Variants in NBEA observed in about 807,000 individuals in gnomAD.
NBEA encodes lysosomal-trafficking regulator 2.
Under a neutral mutation model 343.4 loss-of-function variants are expected in NBEA, and 44 were observed. The observed-to-expected ratio is 0.13, with a 90% CI of 0.10 to 0.16. The LOEUF is 0.16. Ranked by LOEUF, NBEA falls within the 10% of genes least tolerant of loss-of-function variation. The probability of loss-of-function intolerance (pLI) is 1.00; values close to 1 mark genes in which losing one functional copy is unlikely to be tolerated. For synonymous variants in NBEA, 1,175 were observed against 1,238.7 expected (o/e 0.95, Z 1.08); for missense variants, 2,555 against 3,631.3 (o/e 0.70, Z 7.62).
chr13:35,648,216 T>C (rs1291768118), intron 51 of NBEA, among the ~76,000 whole-genome samples: 1 of 143,696 alleles, frequency 7.0e-6, no homozygotes, highest in African/African-American at 2.6e-5. Context: ...TTACCTTCCT[T>C]CAACAGCTCA....
At chr13:35,017,528 A>G (rs1408633312) in intron 1 of NBEA, among the ~76,000 whole-genome samples, 1 of 152,158 alleles carries the variant, frequency 6.6e-6, no homozygotes, top group Non-Finnish European at 1.5e-5. Context: ...GTGGTAGCTT[A>G]CTGTGGTTTC....
chr13:35,442,867 C>A (rs1015753399), intron 39 of NBEA, among the ~76,000 whole-genome samples: 4 of 152,064 alleles, frequency 2.6e-5, no homozygotes, highest in African/African-American at 9.7e-5. Context: ...AACCTTTTCT[C>A]TGTTACTCTG....
chr13:35,308,576 G>GTA (rs1318960051), intron 35 of NBEA, among the ~76,000 whole-genome samples: 1 of 118,428 alleles, frequency 8.4e-6, no homozygotes, highest in Non-Finnish European at 1.7e-5. Flanking sequence ...GTATATATAT[G>GTA]TATATATGTA....
At chr13:35,094,828 G>C (rs2065253269) in intron 10 of NBEA, among the ~76,000 whole-genome samples, 1 of 151,822 alleles carries the variant, frequency 6.6e-6, no homozygotes, top group Non-Finnish European at 1.5e-5. Context: ...AATGTCAAAA[G>C]ATTTTTCCCC....
intron 1 of NBEA, among the ~76,000 whole-genome samples, chr13:35,006,962 C>G (rs1356574760): frequency 6.6e-6 from 1 of 152,186 alleles, no homozygotes; most frequent in Non-Finnish European, 1.5e-5. Flanking sequence ...CATCTGACTT[C>G]TGTTATTTCA....
chr13:35,128,629 G>A (rs2067254014), intron 17 of NBEA, among the ~76,000 whole-genome samples: 1 of 152,032 alleles, frequency 6.6e-6, no homozygotes, highest in South Asian at 2.1e-4. Context: ...ACTACCTGCA[G>A]GGATCTCATC....
intron 1 of NBEA, among the ~76,000 whole-genome samples, chr13:34,958,042 T>G (rs1344510116): frequency 6.6e-6 from 1 of 152,006 alleles, no homozygotes; most frequent in East Asian, 1.9e-4. Context: ...AGTTAAAAAA[T>G]ATATCTTATT....
chr13:35,320,593 G>A (rs1426770762), intron 36 of NBEA, among the ~76,000 whole-genome samples: 1 of 152,112 alleles, frequency 6.6e-6, no homozygotes, highest in Non-Finnish European at 1.5e-5. Flanking sequence ...TCTTCTCGAG[G>A]AGTATCTTTG....
intron 40 of NBEA, among the ~76,000 whole-genome samples, chr13:35,458,160 C>T (rs1415100571): frequency 6.6e-6 from 1 of 152,158 alleles, no homozygotes; most frequent in African/African-American, 2.4e-5. Flanking sequence ...AGAGGCTGCA[C>T]CATTTTGAAT....
chr13:34,963,310 G>A (rs967884809), intron 1 of NBEA, among the ~76,000 whole-genome samples: 4 of 151,878 alleles, frequency 2.6e-5, no homozygotes, highest in African/African-American at 9.7e-5. Context: ...GCTTTCCTTT[G>A]TGTGTCTATG....
At position 35,613,824 on chromosome 13, in the gene NBEA, C is replaced by T. The variant is rs113288323; in HGVS notation, c.7449+7246C>T. ...GTTATAGAGATGGAAGAGTCTTGAA[C>T]TCTTGGGCTCAAGTAATCCTCCCAC... On this transcript the variant is annotated intron_variant, in intron 48 of 58. Transcript: ENST00000379939. 7.9e-5 allele frequency among the ~76,000 whole-genome samples: 12 copies of T among 152,228 alleles called. 3 individuals are homozygous for T. The highest frequency in any genetic ancestry group is 2.9e-4 in the African/African-American group (12 of 41,524).
At chr13:35,277,646 A>AAG (rs2034701214) in intron 34 of NBEA, among the ~76,000 whole-genome samples, 1 of 132,910 alleles carries the variant, frequency 7.5e-6, no homozygotes, top group Admixed American at 7.9e-5. Context: ...AAAAAAAAAA[A>AAG]AAGTGGGGGA....
intron 6 of NBEA, among the ~76,000 whole-genome samples, 169 bp from the exon 7 acceptor site, chr13:35,055,841 T>C (rs2063236843): frequency 6.6e-6 from 1 of 152,156 alleles, no homozygotes; most frequent in Non-Finnish European, 1.5e-5. Context: ...GTGCCACTTC[T>C]ACCATCTGTG....
intron 35 of NBEA, among the ~76,000 whole-genome samples, chr13:35,297,536 C>A (rs1467391180): frequency 6.6e-6 from 1 of 151,896 alleles, no homozygotes; most frequent in Non-Finnish European, 1.5e-5. Context: ...CATTTAAAAT[C>A]ATACATTGTT....
chr13:35,597,641 AT>A (rs1190765123), intron 47 of NBEA, among the ~76,000 whole-genome samples: 2 of 152,188 alleles, frequency 1.3e-5, no homozygotes, highest in Admixed American at 6.5e-5. Context: ...GTTCATGAAT[AT>A]TAAGTGACTC....
intron 40 of NBEA, among the ~76,000 whole-genome samples, chr13:35,471,280 C>T (rs2075635816): frequency 6.6e-6 from 1 of 152,096 alleles, no homozygotes; most frequent in African/African-American, 2.4e-5. Flanking sequence ...CCCGGCCCGG[C>T]GGGGGCCGAG....
At chr13:35,129,691 A>G (rs2067310131) in intron 17 of NBEA, among the ~76,000 whole-genome samples, 1 of 152,090 alleles carries the variant, frequency 6.6e-6, no homozygotes, top group Non-Finnish European at 1.5e-5. Context: ...AGAATGAGGA[A>G]GAGGCAATAT....
rs1385531798 is a variant in NBEA at position 35,251,545 on chromosome 13, T to C, written c.5776+18926T>C. On this transcript the variant is annotated intron_variant, in intron 34 of 58. Transcript: ENST00000379939. ...TGGGCTCATCCTGGACGTCATGTCCTTGATGCATGTGACCTTCAGGAAGGC... is the reference window on the plus strand; with the variant it reads ...TGGGCTCATCCTGGACGTCATGTCCCTGATGCATGTGACCTTCAGGAAGGC... The C allele has an allele frequency of 5.2e-6, 6 of 1,164,978 alleles. No individual in the cohort carries two copies. In the Admixed American group the frequency reaches 1.8e-4, roughly 35 times the overall value. 72.2% of individuals were successfully genotyped at this position (1,164,978 alleles called of 1,614,324 possible).
chr13:35,161,787 A>C lies in NBEA; in HGVS notation c.3899A>C (p.Asp1300Ala), dbSNP rs879255409. The C allele has an allele frequency of 1.2e-6, 2 of 1,612,182 alleles. No individual in the cohort carries two copies. Among genetic ancestry groups the C allele is most frequent in the Non-Finnish European group, 1.7e-6 (2 of 1,179,292 alleles). Residue 1300 changes from aspartate to alanine, a missense_variant, in exon 23 of 59, where the codon GAT becomes GCT. Physicochemically the swap from Asp to Ala is moderately radical, Grantham distance 126 (BLOSUM62 -2). Transcript: ENST00000379939. ...CGGTCTATCACCCAACAAGACCGAG[A>C]TCTCCGAGTTGATTTAGGATTTCGA... ...QGRSITQQDR[D>A]LRVDLGFRGM...
Sources: gnomAD v4.1 joint callset for allele counts (sites outside exome capture counted in the v4.1 genomes callset) on GRCh38, gnomAD v4.1.1 for gene constraint, MANE v1.5 for transcripts, NCBI Gene and HGNC (gene_info 2026-07-23, HGNC 2026-07-21) for gene names.